Variants in POSTN observed in about 807,000 individuals in gnomAD.
POSTN encodes the protein periostin.
In POSTN, 71 loss-of-function variants were observed where a neutral mutation model predicts 104.5. That is an observed-to-expected ratio of 0.68 (90% CI 0.56 to 0.83). The LOEUF (loss-of-function observed/expected upper bound fraction) is 0.83. POSTN is among the 40% of genes least tolerant of loss of function. The pLI, the probability that POSTN is intolerant of heterozygous loss-of-function variation, is 0.00. For missense variants in POSTN, 949 were observed against 1,006.8 expected, an observed-to-expected ratio of 0.94 and a Z score of 0.78; for synonymous variants, 355 against 340.7, an observed-to-expected ratio of 1.04 and a Z score of -0.46.
At chr13:37,594,462 A>G (rs951280463) in intron 2 of POSTN, among the ~76,000 whole-genome samples, 2 of 152,138 alleles carry the variant, frequency 1.3e-5, no homozygotes, top group Non-Finnish European at 2.9e-5. Flanking sequence ...AGTTTTTTTC[A>G]GAAGAACATT....
intron 21 of POSTN, 125 bp from the exon 22 acceptor site, chr13:37,564,685 T>C: frequency 2.0e-6 from 1 of 496,226 alleles, no homozygotes; most frequent in South Asian, 3.7e-5. Context: ...AGATTATTTT[T>C]AGTAGTTAAA....
At chr13:37,589,266 T>C (rs532064574) in intron 4 of POSTN, among the ~76,000 whole-genome samples, 2 of 152,328 alleles carry the variant, frequency 1.3e-5, no homozygotes, top group African/African-American at 4.8e-5. Context: ...AAGTGATAGT[T>C]GAAACCATGA....
chr13:37,587,934 A>T lies in POSTN; in HGVS notation c.494T>A (p.Leu165Ter). The change falls in exon 5 of 23, where the codon TTA becomes TAA. Residue 165 changes from leucine (L) to a stop codon, truncating the protein, a stop_gained. Coordinates refer to ENST00000379747, the MANE Select transcript of POSTN (RefSeq NM_006475.3). LOFTEE classifies it high-confidence loss of function. Reference sequence around the variant, plus strand: ...TCTCTTATTAATCATGTGACTATGTAAAGCATTCAGTAATTCAACATTCAC... The same window carrying T: ...TCTCTTATTAATCATGTGACTATGTTAAGCATTCAGTAATTCAACATTCAC... ...SNVNVELLNALHSHMINKRML... is the reference protein window; with the variant it reads ...SNVNVELLNA 6.2e-7 allele frequency: 1 copy of T among 1,603,190 alleles called. No homozygotes were observed.
chr13:37,573,226 C>T lies in POSTN; in HGVS notation c.2089+1346G>A, dbSNP rs141272145. Reference sequence around the variant, plus strand: ...TTTTAGGGAATCTGATTTTTAAAAACAGGACAAGATTTGATTTTAAAATCA... The same window carrying T: ...TTTTAGGGAATCTGATTTTTAAAAATAGGACAAGATTTGATTTTAAAATCA... On this transcript the variant is annotated intron_variant, in intron 17 of 22. Coordinates refer to ENST00000379747, the MANE Select transcript of POSTN (RefSeq NM_006475.3). Among the ~76,000 whole-genome samples, 1,054 of 151,532 alleles carry T rather than the reference C, an allele frequency of 7.0e-3. 11 individuals are homozygous for T. Among genetic ancestry groups the T allele is most frequent in the African/African-American group, 0.024 (993 of 41,486 alleles).
At position 37,584,928 on chromosome 13, in the gene POSTN, G is replaced by C; in HGVS notation, c.896C>G (p.Ala299Gly). Residue 299 changes from alanine (A) to glycine (G), a missense_variant and splice_region_variant, in exon 8 of 23, where the codon GCT becomes GGT. Ala to Gly is a moderately conservative substitution (Grantham distance 60). Transcript: ENST00000379747. ...ATTTAAGATGTGGTACTTCATAAGA[G>C]CTGGAGAACACAATAAAAACAGGTA... ...RIMGDKVASE[A>G]LMKYHILNTL... 2 of 1,613,324 alleles carry C rather than the reference G, an allele frequency of 1.2e-6. No individual in the cohort carries two copies. The highest frequency in any genetic ancestry group is 1.7e-6 in the Non-Finnish European group (2 of 1,179,784).
intron 2 of POSTN, among the ~76,000 whole-genome samples, chr13:37,592,900 C>T (rs950878992): frequency 2.0e-5 from 3 of 151,934 alleles, no homozygotes; most frequent in Non-Finnish European, 4.4e-5. Flanking sequence ...TAATTGGAAA[C>T]ATAAGAAAAT....
At chr13:37,586,430 CAA>C in intron 6 of POSTN, 150 bp from the exon 7 acceptor site, 8 of 891,254 alleles carry the variant, frequency 9.0e-6, no homozygotes, top group Non-Finnish European at 1.3e-5. Flanking sequence ...CTTTTTGACA[CAA>C]CCATGTCTTT....
chr13:37,580,269 C>A (rs767866953), intron 11 of POSTN, among the ~76,000 whole-genome samples: 65 of 152,074 alleles, frequency 4.3e-4, no homozygotes, highest in Non-Finnish European at 8.7e-4. Flanking sequence ...TCATGTAATA[C>A]TCTACAAGAT....
intron 2 of POSTN, among the ~76,000 whole-genome samples, chr13:37,593,707 A>G (rs368660027): frequency 5.9e-5 from 9 of 151,692 alleles, no homozygotes; most frequent in East Asian, 3.9e-4. Flanking sequence ...GAGATCGCCA[A>G]GTATAAGAAT....
chr13:37,571,420 C>G lies in POSTN; in HGVS notation c.2128G>C (p.Glu710Gln), dbSNP rs745903692. 14 of 1,610,070 alleles carry G rather than the reference C, an allele frequency of 8.7e-6. No individual in the cohort carries two copies. The highest frequency in any genetic ancestry group is 8.5e-6 in the Non-Finnish European group (10 of 1,176,938). The change falls in exon 18 of 23, where the codon GAA becomes CAA. Residue 710 changes from glutamate (E) to glutamine (Q), a missense_variant. Transcript: ENST00000379747. ...TCACCTTCTTTAATCAGTCTGAATT[C>G]AGGTTCACCTTCAATTTTGACTTTT... ...LTKVKIEGEP[E>Q]FRLIKEGETI...
At position 37,590,525 on chromosome 13, in the gene POSTN, C is replaced by T. The variant is rs759944366; in HGVS notation, c.288G>A (p.Leu96=). 6.2e-7 allele frequency: 1 copy of T among 1,608,096 alleles called. No homozygotes were observed. The highest frequency in any genetic ancestry group is 1.1e-5 in the South Asian group (1 of 90,284). The change falls in exon 4 of 23, where the codon TTG becomes TTA. Residue 96 remains leucine (L), a synonymous_variant. Transcript: ENST00000379747. ...MEGMKGCPAV[L]PIDHVYGTLG... is the part of the protein sequence containing the mutation. ...GAGTGCCATAAACATGGTCAATGGG[C>T]AAAACTGAAATAATCAAGAAATGAA...
At chr13:37,578,579 C>T (rs975408973) in intron 15 of POSTN, among the ~76,000 whole-genome samples, 3 of 151,830 alleles carry the variant, frequency 2.0e-5, no homozygotes, top group South Asian at 2.1e-4. Flanking sequence ...GGGTGGATCA[C>T]GAGGTCAGGA....
At chr13:37,569,053 CA>C (rs886298409) in intron 21 of POSTN, 140 of 280,952 alleles carry the variant, frequency 5.0e-4, no homozygotes, top group East Asian at 1.2e-3. Context: ...TGAATCAAAG[CA>C]AAAAAAATAT....
intron 16 of POSTN, among the ~76,000 whole-genome samples, chr13:37,575,226 A>G (rs756287180): frequency 1.3e-5 from 2 of 152,002 alleles, no homozygotes; most frequent in Non-Finnish European, 2.9e-5. Context: ...TATGATCAGT[A>G]TTTAAGTTAT....
intron 6 of POSTN, 36 bp from the exon 7 acceptor site, chr13:37,586,316 T>C (rs1950744491): frequency 4.4e-6 from 7 of 1,583,392 alleles, no homozygotes; most frequent in East Asian, 2.2e-5. Context: ...GACTTTCACA[T>C]TGTAAATCCA....
In POSTN at chr13:37,571,652, CTGTT is replaced by C. The variant is rs376487919; in HGVS notation, c.2090-198_2090-195del. 1,953 of 497,390 alleles carry C rather than the reference CTGTT, an allele frequency of 3.9e-3. 4 individuals are homozygous for C. Among genetic ancestry groups the C allele is most frequent in the Non-Finnish European group, 5.8e-3 (1,634 of 281,726 alleles). The allele number at this position is 497,390 out of a possible 1,614,324, so 30.8% of individuals were successfully genotyped here. ...GAGTTATGAGAACAAATGATTTAGT[CTGTT>C]TGTGTGCTACTAAAATTACTTTCAT... On this transcript the variant is annotated intron_variant, in intron 17 of 22. Transcript: ENST00000379747.
chr13:37,581,280 G>A (rs1950581571), intron 10 of POSTN, among the ~76,000 whole-genome samples: 1 of 152,216 alleles, frequency 6.6e-6, no homozygotes. Flanking sequence ...CTGCTGACAT[G>A]TGCCAGATTC....
chr13:37,597,338 G>A (rs550287295), intron 1 of POSTN, 56 bp from the exon 2 acceptor site: 114 of 1,137,358 alleles, frequency 1.0e-4, no homozygotes, highest in Middle Eastern at 5.8e-4. Context: ...CTAGTTTTTC[G>A]TATCTAAAGA....
At chr13:37,567,747 T>A (rs991365638) in intron 21 of POSTN, among the ~76,000 whole-genome samples, 1 of 151,982 alleles carries the variant, frequency 6.6e-6, no homozygotes, top group African/African-American at 2.4e-5. Flanking sequence ...AAGAAAGGAG[T>A]TCATTAACTA....
Sources: allele counts gnomAD v4.1 joint callset (sites outside exome capture counted in the v4.1 genomes callset), GRCh38; gene constraint gnomAD v4.1.1; transcripts MANE v1.5; gene names NCBI Gene and HGNC (gene_info 2026-07-23, HGNC 2026-07-21).